Variants in MATR3 observed in about 807,000 individuals in gnomAD.
MATR3 encodes the protein matrin-3.
In MATR3, 4 loss-of-function variants were observed where a neutral mutation model predicts 85.5. The ratio of observed to expected loss-of-function variants is 0.05; its 90% CI spans 0.02 to 0.11. The LOEUF (loss-of-function observed/expected upper bound fraction) is 0.11. Among genes scored for constraint, MATR3 ranks in the 10% least tolerant of loss-of-function variants. The pLI is 1.00. For synonymous variants in MATR3, 336 were observed against 343.1 expected (o/e 0.98, Z 0.23); for missense variants, 685 against 1,016.1 (o/e 0.67, Z 4.43).
intron 1 of MATR3, among the ~76,000 whole-genome samples, chr5:139,297,836 C>G (rs1459278213): frequency 6.6e-6 from 1 of 152,172 alleles, no homozygotes; most frequent in Non-Finnish European, 1.5e-5. Flanking sequence ...TTAAAGTATG[C>G]TTGCTCCCCA....
chr5:139,315,386 C>G, intron 3 of MATR3: 1 of 311,704 alleles, frequency 3.2e-6, no homozygotes. Flanking sequence ...GTTCTTGTTT[C>G]TATGTAACCC....
intron 2 of MATR3, chr5:139,313,736 CATA>C (rs1282135185): frequency 2.0e-5 from 3 of 152,040 alleles, no homozygotes; most frequent in Non-Finnish European, 4.4e-5. Flanking sequence ...ACAAAGGGAG[CATA>C]ATATTTTGAT....
At position 139,325,494 on chromosome 5, in the gene MATR3, A is replaced by C. The variant is rs777695336; in HGVS notation, c.2203A>C (p.Ile735Leu). Residue 735 changes from isoleucine to leucine, a missense_variant, in exon 13 of 15, where the codon ATT becomes CTT. Coordinates refer to ENST00000394805, the MANE Select transcript of MATR3 (RefSeq NM_018834.6). ...QENEAALENG[I>L]KNEENTEPGA... Reference sequence around the variant, plus strand: ...AAACGAAGCAGCGTTGGAAAATGGAATTAAAAATGAGGAAAACACAGAACC... The same window carrying C: ...AAACGAAGCAGCGTTGGAAAATGGACTTAAAAATGAGGAAAACACAGAACC... 1 of 1,614,228 alleles carries C rather than the reference A, an allele frequency of 6.2e-7. No homozygotes were observed. The highest frequency in any genetic ancestry group is 8.5e-7 in the Non-Finnish European group (1 of 1,180,042).
intron 3 of MATR3, among the ~76,000 whole-genome samples, chr5:139,281,356 G>GTTTTTTT (rs1371325133): frequency 4.9e-5 from 5 of 101,038 alleles, no homozygotes; most frequent in Non-Finnish European, 8.0e-5. Flanking sequence ...TTTTTTTTTT[G>GTTTTTTT]TTTTTTTTTT....
chr5:139,294,946 G>A (rs953523094), intron 1 of MATR3: 5 of 152,148 alleles, frequency 3.3e-5, no homozygotes, highest in Non-Finnish European at 7.3e-5. Context: ...GTTCTGAAAT[G>A]GCTAGTCTTT....
At chr5:139,326,914 A>G (rs934346572) in intron 14 of MATR3, among the ~76,000 whole-genome samples, 5 of 152,342 alleles carry the variant, frequency 3.3e-5, no homozygotes, top group African/African-American at 1.2e-4. Context: ...GGGAGTCTGA[A>G]TACTAAAAGT....
intron 2 of MATR3, among the ~76,000 whole-genome samples, chr5:139,309,471 T>TA (rs886577282): frequency 6.6e-6 from 1 of 152,204 alleles, no homozygotes; most frequent in African/African-American, 2.4e-5. Context: ...GATTTTTTTT[T>TA]AGTAGACTAA....
chr5:139,313,526 TG>T (rs1755100444), intron 2 of MATR3: 1 of 152,178 alleles, frequency 6.6e-6, no homozygotes, highest in Non-Finnish European at 1.5e-5. Flanking sequence ...GCCCACTTTT[TG>T]TAACTTCTCT....
intron 2 of MATR3, among the ~76,000 whole-genome samples, chr5:139,277,758 C>A (rs1238782895): frequency 2.5e-5 from 3 of 118,450 alleles, no homozygotes; most frequent in Non-Finnish European, 5.1e-5. Flanking sequence ...CATGTCTGCT[C>A]GTCTTTTTTT....
At chr5:139,315,762 C>T (rs1755208809) in intron 4 of MATR3, 24 bp downstream of exon 4, 1 of 1,573,166 alleles carries the variant, frequency 6.4e-7, no homozygotes, top group African/African-American at 1.3e-5. Context: ...TTTAAGCTAC[C>T]ATTTGTAAAG....
chr5:139,331,242 T>G lies in MATR3; in HGVS notation c.*1847T>G. 2.2e-6 allele frequency: 1 copy of G among 454,174 alleles called. No individual in the cohort carries two copies. Among genetic ancestry groups the G allele is most frequent in the South Asian group, 1.6e-5 (1 of 64,484 alleles). The allele number at this position is 454,174 out of a possible 1,614,324, so 28.1% of individuals were successfully genotyped here. A position where few individuals can be genotyped will look rare whatever the true frequency, so the allele number is the denominator to read the frequency against. On this transcript the variant is annotated 3_prime_UTR_variant, in exon 15 of 15. Transcript: ENST00000394805. The stretch of plus-strand genomic sequence containing the variant: ...TGAAAAGTAGGTGATGATTTTAATG[T>G]GACATGCACAAAAAATCCTTGCCAG...
At chr5:139,281,847 G>A (rs1254684898) in intron 3 of MATR3, among the ~76,000 whole-genome samples, 1 of 152,106 alleles carries the variant, frequency 6.6e-6, no homozygotes, top group Non-Finnish European at 1.5e-5. Context: ...CTAAAAATAA[G>A]GAGGGTTTCC....
At chr5:139,301,983 T>C (rs1754469092) in intron 1 of MATR3, among the ~76,000 whole-genome samples, 1 of 152,350 alleles carries the variant, frequency 6.6e-6, no homozygotes, top group African/African-American at 2.4e-5. Context: ...GGACTAAAAA[T>C]TGACTTCACG....
At chr5:139,290,527 G>T (rs572529611), upstream of MATR3, among the ~76,000 whole-genome samples, 1 of 130,420 alleles carries the variant, frequency 7.7e-6, no homozygotes, top group African/African-American at 2.9e-5. Flanking sequence ...AGGCTCAGTC[G>T]ATCCTTCCAC....
In MATR3 at chr5:139,308,322, A is replaced by C; in HGVS notation, c.907A>C (p.Asn303His). ...TATATGTGATTTGCCAGTTCATTCT[A>C]ATAAGGTGAGTTAACTCAACAGATG... Reference protein sequence around the residue: ...CSICDLPVHSNKEWSQHINGA... With the variant: ...CSICDLPVHSHKEWSQHINGA... Residue 303 changes from asparagine to histidine, a missense_variant, in exon 2 of 15, where the codon AAT becomes CAT. This residue lies in a region of MATR3 where 223 missense variants were observed against 334.4 expected (regional missense o/e 0.67). Transcript: ENST00000394805. The C allele has an allele frequency of 6.2e-7, 1 of 1,614,094 alleles. No homozygotes were observed. Among genetic ancestry groups the C allele is most frequent in the Non-Finnish European group, 8.5e-7 (1 of 1,179,966 alleles).
At chr5:139,315,987 C>A (rs1430272125) in intron 4 of MATR3, 89 bp from the exon 5 acceptor site, 2 of 988,808 alleles carry the variant, frequency 2.0e-6, no homozygotes, top group South Asian at 1.3e-5. Flanking sequence ...TGGTTGTGGT[C>A]ATATATTGGG....
At chr5:139,304,944 T>C (rs776970502) in intron 1 of MATR3, among the ~76,000 whole-genome samples, 1 of 152,224 alleles carries the variant, frequency 6.6e-6, no homozygotes, top group Non-Finnish European at 1.5e-5. Context: ...TTTTCATTAA[T>C]GCTTTTTCAA....
chr5:139,295,697 G>A (rs754710354), intron 1 of MATR3, among the ~76,000 whole-genome samples: 6 of 152,158 alleles, frequency 3.9e-5, no homozygotes, highest in African/African-American at 9.7e-5. Flanking sequence ...CGGTGGTGTC[G>A]TATTTTAGGA....
At chr5:139,301,721 C>G (rs971504236) in intron 1 of MATR3, among the ~76,000 whole-genome samples, 1 of 152,212 alleles carries the variant, frequency 6.6e-6, no homozygotes, top group Non-Finnish European at 1.5e-5. Context: ...TGAACATCAT[C>G]AGGTACACGG....
Sources: allele counts gnomAD v4.1 joint callset (sites outside exome capture counted in the v4.1 genomes callset), GRCh38; gene constraint gnomAD v4.1.1; regional missense constraint gnomAD v4.1.1; transcripts MANE v1.5; gene names NCBI Gene and HGNC (gene_info 2026-07-23, HGNC 2026-07-21).